Variants in KIF17 observed in about 807,000 individuals in gnomAD.
The protein encoded by KIF17 is kinesin family member 17.
KIF17 carries 80 observed loss-of-function variants against 96.8 expected under a neutral mutation model. The ratio of observed to expected loss-of-function variants is 0.83; its 90% CI spans 0.69 to 1.00. The LOEUF is 1.00. KIF17 is among the 50% of genes least tolerant of loss of function. The pLI is 0.00. For missense variants in KIF17, 1,280 were observed against 1,372.9 expected (o/e 0.93, Z 1.07); for synonymous variants, 567 against 587.5 (o/e 0.97, Z 0.51).
intron 6 of KIF17, among the ~76,000 whole-genome samples, chr1:20,696,974 C>G (rs778331363): frequency 1.2e-4 from 18 of 152,230 alleles, no homozygotes; most frequent in Non-Finnish European, 2.1e-4. Flanking sequence ...AGCTCCAGAG[C>G]CTGCAGGGGC....
intron 5 of KIF17, among the ~76,000 whole-genome samples, chr1:20,703,192 T>G (rs973134409): frequency 6.7e-6 from 1 of 150,372 alleles, no homozygotes; most frequent in African/African-American, 2.4e-5. Flanking sequence ...GATGGACGGA[T>G]GGATGGGAGA....
At chr1:20,711,865 CT>C (rs1172934371) in intron 3 of KIF17, among the ~76,000 whole-genome samples, 1 of 152,054 alleles carries the variant, frequency 6.6e-6, no homozygotes, top group Non-Finnish European at 1.5e-5. Context: ...GTTGGTCTTA[CT>C]TAGGCACATG....
At position 20,717,730 on chromosome 1, in the gene KIF17, G is replaced by A; in HGVS notation, c.-24C>T. On this transcript the variant is annotated 5_prime_UTR_variant, in exon 1 of 15. Transcript: ENST00000400463. ...ATGGCGCCGCGCCCAGGACCAACGG[G>A]ACCAGAGCTGACCCCCGCCCCGCCG... 2 of 1,529,598 alleles carry A rather than the reference G, an allele frequency of 1.3e-6. No homozygotes were observed. Among genetic ancestry groups the A allele is most frequent in the Non-Finnish European group, 1.7e-6 (2 of 1,145,320 alleles). 94.8% of individuals were successfully genotyped at this position (1,529,598 alleles called of 1,614,324 possible).
rs531505555 is a variant in KIF17, at chr1:20,682,862, C to A, written c.2254G>T (p.Val752Phe). Reference sequence around the variant, plus strand: ...TTCTTGGCCTGCTCTCCACCCACAACCTGCTGCTCCAACAGCTGCAGACTG... The same window carrying A: ...TTCTTGGCCTGCTCTCCACCCACAAACTGCTGCTCCAACAGCTGCAGACTG... ...LARLQLLEQQ[V>F]VGGEQAKNKD... The change falls in exon 11 of 15, where the codon GTT (valine) becomes TTT (phenylalanine). Residue 752 changes from valine (V) to phenylalanine (F), a missense_variant. Transcript: ENST00000400463. 122 of 1,611,330 alleles carry A rather than the reference C, an allele frequency of 7.6e-5. 2 individuals are homozygous for A. The South Asian group carries it at 1.3e-3, about 17-fold the overall frequency.
At chr1:20,703,178 A>ATGG (rs1557600805) in intron 5 of KIF17, among the ~76,000 whole-genome samples, 4 of 135,794 alleles carry the variant, frequency 2.9e-5, no homozygotes, top group African/African-American at 1.2e-4. Flanking sequence ...TGGATGGATG[A>ATGG]ATGGATGGAC....
At chr1:20,714,249 C>G (rs1295395875) in intron 2 of KIF17, among the ~76,000 whole-genome samples, 1 of 151,904 alleles carries the variant, frequency 6.6e-6, no homozygotes, top group African/African-American at 2.4e-5. Context: ...ATGGCGTGAA[C>G]CCAGGAGGCG....
rs648143 is a variant in KIF17 at position 20,700,821 on chromosome 1, C to G, written c.1124-2333G>C. Among the ~76,000 whole-genome samples the G allele has an allele frequency of 0.019, 2,933 of 152,210 alleles. 99 individuals carry two copies. Among genetic ancestry groups the G allele is most frequent in the African/African-American group, 0.066 (2,739 of 41,510 alleles). On this transcript the variant is annotated intron_variant, in intron 5 of 14. Coordinates refer to ENST00000400463, the MANE Select transcript of KIF17 (RefSeq NM_001122819.3). The surrounding 1 kb of genome is among the most constrained non-coding windows in gnomAD (Gnocchi z 4.6). ...CACCTGCTGTATGTAACTCTCACAC[C>G]AAGCCAAGATTCCCCCTGCCCTGAA...
chr1:20,676,692 G>A (rs568234660), intron 11 of KIF17, among the ~76,000 whole-genome samples: 142 of 152,028 alleles, frequency 9.3e-4, no homozygotes, highest in African/African-American at 2.7e-3. Context: ...TTAGCCAGGC[G>A]TGGTGGCACA....
intron 12 of KIF17, among the ~76,000 whole-genome samples, chr1:20,670,856 G>A (rs1287367555): frequency 6.6e-6 from 1 of 152,190 alleles, no homozygotes; most frequent in Non-Finnish European, 1.5e-5. Context: ...CGCTGAGCAA[G>A]AGGGAGGACT....
In KIF17 at chr1:20,687,324, TCCGGGC is replaced by T. The variant is rs1011594085; in HGVS notation, c.1938+58_1938+63del. 1.4e-5 allele frequency: 22 copies of T among 1,564,656 alleles called. No homozygotes were observed. The highest frequency in any genetic ancestry group is 5.0e-5 in the Admixed American group (3 of 59,936). ...TGTGAACAGTGTGTGCACAGTGAGC[TCCGGGC>T]CCTGGGCAAGCTCTGCCTGCTCAGT... is the stretch of plus-strand genomic sequence containing the variant. On this transcript the variant is annotated intron_variant, in intron 8 of 14. Coordinates refer to ENST00000400463, the MANE Select transcript of KIF17 (RefSeq NM_001122819.3). This position sits in a 1 kb window ranked among gnomAD's most constrained non-coding sequence, Gnocchi z 4.4.
intron 11 of KIF17, among the ~76,000 whole-genome samples, chr1:20,677,916 A>G (rs948352443): frequency 6.6e-6 from 1 of 152,218 alleles, no homozygotes; most frequent in African/African-American, 2.4e-5. Flanking sequence ...GATACTATAC[A>G]TTGTTGTGTG....
intron 13 of KIF17, 97 bp downstream of exon 13, chr1:20,670,324 G>A (rs1450014997): frequency 8.2e-7 from 1 of 1,223,514 alleles, no homozygotes. Context: ...CGGGAGGAAA[G>A]TGGAAAACCA....
At chr1:20,697,579 C>G (rs993028406) in intron 6 of KIF17, among the ~76,000 whole-genome samples, 2 of 152,170 alleles carry the variant, frequency 1.3e-5, no homozygotes, top group African/African-American at 4.8e-5. Flanking sequence ...TGCACTCCAG[C>G]CTGGGTGACA....
chr1:20,671,933 C>T lies in KIF17; in HGVS notation c.2722+5G>A. On this transcript the variant is annotated splice_donor_5th_base_variant and intron_variant, in intron 12 of 14. Transcript: ENST00000400463. The stretch of plus-strand genomic sequence containing the variant: ...GGGAGGGCAAGGGCCAGCCAAGCTC[C>T]TGACCTACTGGGAGGCTGGTTTTTG... 1 of 1,612,912 alleles carries T rather than the reference C, an allele frequency of 6.2e-7. No homozygotes were observed. Among genetic ancestry groups the T allele is most frequent in the Non-Finnish European group, 8.5e-7 (1 of 1,179,904 alleles).
chr1:20,694,162 A>ATC (rs1557596336), intron 6 of KIF17: 1 of 151,144 alleles, frequency 6.6e-6, no homozygotes, highest in African/African-American at 2.4e-5. Context: ...CAGTGGCATG[A>ATC]TCTCGGCTCA....
chr1:20,664,458 G>A lies in KIF17; in HGVS notation c.*126C>T. On this transcript the variant is annotated 3_prime_UTR_variant, in exon 15 of 15. Transcript: ENST00000400463. ...CAGGGAAGGGAATGTGTCTTCCCAG[G>A]GCTGAGGGAGCCCTCAGGCCCCGGA... The A allele has an allele frequency of 6.3e-7, 1 of 1,588,096 alleles. No homozygotes were observed. Among genetic ancestry groups the A allele is most frequent in the Non-Finnish European group, 8.5e-7 (1 of 1,170,278 alleles).
At chr1:20,675,567 G>A (rs184807705) in intron 11 of KIF17, among the ~76,000 whole-genome samples, 68 of 152,196 alleles carry the variant, frequency 4.5e-4, no homozygotes, top group Non-Finnish European at 7.1e-4. Context: ...TCTTGATTAC[G>A]GTAGCTTTGT....
intron 1 of KIF17, 86 bp downstream of exon 1, chr1:20,717,390 G>T: frequency 6.7e-7 from 1 of 1,497,684 alleles, no homozygotes; most frequent in Non-Finnish European, 9.1e-7. Context: ...CTTTCCTCCT[G>T]GCTGGGGGGC....
At chr1:20,677,351 C>T (rs1041635196) in intron 11 of KIF17, among the ~76,000 whole-genome samples, 1 of 152,216 alleles carries the variant, frequency 6.6e-6, no homozygotes, top group Admixed American at 6.5e-5. Flanking sequence ...AGCAAAATCA[C>T]ACTTGCATTA....
Sources: gnomAD v4.1 joint callset for allele counts (sites outside exome capture counted in the v4.1 genomes callset) on GRCh38, gnomAD v4.1.1 for gene constraint, Gnocchi (gnomAD v3.1) non-coding constraint, MANE v1.5 for transcripts, NCBI Gene and HGNC (gene_info 2026-07-23, HGNC 2026-07-21) for gene names.